The following SF3A1 variants were observed in gnomAD, a reference collection of about 807,000 sequenced individuals.
The protein encoded by SF3A1 is SAP 114.
SF3A1 carries 13 observed loss-of-function variants against 89.9 expected under a neutral mutation model. The ratio of observed to expected loss-of-function variants is 0.14; its 90% confidence interval spans 0.09 to 0.23. The LOEUF (loss-of-function observed/expected upper bound fraction) is 0.23. Among genes scored for constraint, SF3A1 ranks in the 10% least tolerant of loss-of-function variants. SF3A1 has a pLI of 1.00. For synonymous variants in SF3A1, 405 were observed against 374.4 expected, an observed-to-expected ratio of 1.08 and a Z score of -0.94; for missense variants, 604 against 1,022.1, an observed-to-expected ratio of 0.59 and a Z score of 5.58.
At chr22:30,349,810 A>T (rs1441796656) in intron 2 of SF3A1, among the ~76,000 whole-genome samples, 3 of 151,702 alleles carry the variant, frequency 2.0e-5, no homozygotes. Flanking sequence ...TGCCCAGCTA[A>T]TTTTTTTATT....
At chr22:30,356,645 T>C in intron 1 of SF3A1, 85 bp downstream of exon 1, 1 of 1,102,096 alleles carries the variant, frequency 9.1e-7, no homozygotes, top group Non-Finnish European at 1.2e-6. Context: ...AAGCCCTTCA[T>C]AGCGGCCGGC....
chr22:30,344,837 G>T, intron 4 of SF3A1, 96 bp downstream of exon 4: 1 of 1,394,660 alleles, frequency 7.2e-7, no homozygotes, highest in Non-Finnish European at 9.8e-7. Flanking sequence ...ATGGAGAAGC[G>T]ATGTCCTTGT....
In SF3A1 at chr22:30,344,929, G is replaced by A; in HGVS notation, c.651+4C>T. On this transcript the variant is annotated splice_donor_region_variant and intron_variant, in intron 4 of 15. Coordinates refer to ENST00000215793, the MANE Select transcript of SF3A1 (RefSeq NM_005877.6). ...AGGACCCCAGCCCCATCCTGCCCAG[G>A]CACCTTGGTGTACTGTTCCACTAGC... The A allele has an allele frequency of 6.2e-7, 1 of 1,612,322 alleles. No homozygotes were observed. The highest frequency in any genetic ancestry group is 8.5e-7 in the Non-Finnish European group (1 of 1,178,370).
At chr22:30,355,815 TCCCCCCCC>T (rs11451197) in intron 1 of SF3A1, among the ~76,000 whole-genome samples, 1 of 92,280 alleles carries the variant, frequency 1.1e-5, no homozygotes, top group African/African-American at 4.5e-5. Context: ...TCAGTCATGT[TCCCCCCCC>T]CCGCCCCCCT....
In SF3A1 at chr22:30,356,797, G is replaced by T; in HGVS notation, c.-5C>A. The T allele has an allele frequency of 7.2e-7, 1 of 1,398,380 alleles. No homozygotes were observed. The highest frequency in any genetic ancestry group is 9.4e-7 in the Non-Finnish European group (1 of 1,066,730). The allele number at this position is 1,398,380 out of a possible 1,614,324, so 86.6% of individuals were successfully genotyped here. ...CTGCACGGGTCCGGCCGGCATGACT[G>T]CGACGCTCAGGGCTGCCAGTCCGCC... is the stretch of plus-strand genomic sequence containing the variant. On this transcript the variant is annotated 5_prime_UTR_variant, in exon 1 of 16. Transcript: ENST00000215793.
Position 30,345,029 on chromosome 22 carries a change from C to T in SF3A1, c.555G>A (p.Leu185=). 17 of 1,614,208 alleles carry T rather than the reference C, an allele frequency of 1.1e-5. No individual in the cohort carries two copies. The highest frequency in any genetic ancestry group is 1.4e-5 in the Non-Finnish European group (17 of 1,180,040). The part of the protein sequence containing the change: ...ARNGRQFLTQ[L]MQKEQRNYQF... ...GGTAGTTGCGCTGCTCTTTCTGCATCAGCTGGGTCAGAAACTGGCGCCCAT... is the reference window on the plus strand; with the variant it reads ...GGTAGTTGCGCTGCTCTTTCTGCATTAGCTGGGTCAGAAACTGGCGCCCAT... The change falls in exon 4 of 16, where the codon CTG becomes CTA. Residue 185 remains leucine (L), a synonymous_variant. Coordinates refer to ENST00000215793, the MANE Select transcript of SF3A1 (RefSeq NM_005877.6).
chr22:30,354,260 T>C (rs944146427), intron 1 of SF3A1, among the ~76,000 whole-genome samples: 35 of 152,190 alleles, frequency 2.3e-4, no homozygotes, highest in African/African-American at 8.4e-4. Flanking sequence ...CTAAACATCC[T>C]GAGTTCTCTT....
intron 2 of SF3A1, among the ~76,000 whole-genome samples, chr22:30,351,157 G>A (rs1468987285): frequency 6.6e-6 from 1 of 152,132 alleles, no homozygotes; most frequent in Non-Finnish European, 1.5e-5. Context: ...AAATTACCTG[G>A]GCGTGGTGGC....
chr22:30,334,450 A>G lies in SF3A1; in HGVS notation c.*144T>C. ...AAGGGTCAGGGGAATGAACCTCTGC[A>G]GGACAATTTGAATTCCCAAACTGAG... On this transcript the variant is annotated 3_prime_UTR_variant, in exon 16 of 16. Transcript: ENST00000215793. 1.7e-6 allele frequency: 1 copy of G among 588,236 alleles called. No homozygotes were observed. The highest frequency in any genetic ancestry group is 3.1e-5 in the East Asian group (1 of 31,834). The allele number at this position is 588,236 out of a possible 1,614,324, so 36.4% of individuals were successfully genotyped here. A position where few individuals can be genotyped will look rare whatever the true frequency, so the allele number is the denominator to read the frequency against.
chr22:30,346,122 G>C, intron 3 of SF3A1, 190 bp downstream of exon 3: 1 of 592,664 alleles, frequency 1.7e-6, no homozygotes, highest in Non-Finnish European at 3.0e-6. Flanking sequence ...TTGACAAGCA[G>C]TGCTCGGGAA....
At chr22:30,345,263 C>A in intron 3 of SF3A1, 73 bp from the exon 4 acceptor site, 1 of 1,292,154 alleles carries the variant, frequency 7.7e-7, no homozygotes, top group Non-Finnish European at 1.1e-6. Context: ...GGGGAGGGGA[C>A]ATGGGCATGC....
In SF3A1 at chr22:30,334,493, T is replaced by C. The variant is rs905031226; in HGVS notation, c.*101A>G. The stretch of plus-strand genomic sequence containing the variant: ...AAACTGAGTAAGAGCGAAACAAATA[T>C]GCAGGCAAGGCAAAGCCTCAGGGGG... On this transcript the variant is annotated 3_prime_UTR_variant, in exon 16 of 16. Coordinates refer to ENST00000215793, the MANE Select transcript of SF3A1 (RefSeq NM_005877.6). 2 of 685,636 alleles carry C rather than the reference T, an allele frequency of 2.9e-6. No individual in the cohort carries two copies. Among genetic ancestry groups the C allele is most frequent in the Non-Finnish European group, 5.0e-6 (2 of 403,670 alleles). 42.5% of individuals were successfully genotyped at this position (685,636 alleles called of 1,614,324 possible).
At position 30,332,851 on chromosome 22, in the gene SF3A1, C is replaced by T. The variant is rs9606717; in HGVS notation, c.*1743G>A. ...TGGCCTCCGGTCACAGCCTCAGCCACGGAAGTCCTGCAGGGTTTGCCAGTC... is the reference window on the plus strand; with the variant it reads ...TGGCCTCCGGTCACAGCCTCAGCCATGGAAGTCCTGCAGGGTTTGCCAGTC... On this transcript the variant is annotated 3_prime_UTR_variant, in exon 16 of 16. Transcript: ENST00000215793. The T allele has an allele frequency of 0.018, 2,816 of 152,380 alleles. 32 individuals are homozygous for T. Among genetic ancestry groups the T allele is most frequent in the East Asian group, 0.032 (168 of 5,184 alleles). The allele number at this position is 152,380 out of a possible 1,614,324, so 9.4% of individuals were successfully genotyped here. A position where few individuals can be genotyped will look rare whatever the true frequency, so the allele number is the denominator to read the frequency against.
At position 30,346,200 on chromosome 22, in the gene SF3A1, C is replaced by T. The variant is rs561069701; in HGVS notation, c.393+112G>A. On this transcript the variant is annotated intron_variant, in intron 3 of 15. Transcript: ENST00000215793. The stretch of plus-strand genomic sequence containing the variant: ...GCCTCTGAGAGATGGGGATAACGAC[C>T]TCACTTCTCTCCCTGGGTGGTTGTG... 3.9e-5 allele frequency: 30 copies of T among 768,002 alleles called. No individual in the cohort carries two copies. The Admixed American group carries it at 4.0e-4, about 10-fold the overall frequency. 47.6% of individuals were successfully genotyped at this position (768,002 alleles called of 1,614,324 possible).
At chr22:30,355,822 C>G (rs1251339748) in intron 1 of SF3A1, among the ~76,000 whole-genome samples, 1 of 114,276 alleles carries the variant, frequency 8.8e-6, no homozygotes, top group Non-Finnish European at 1.7e-5. Context: ...TGTTCCCCCC[C>G]CCCGCCCCCC....
chr22:30,335,730 C>T lies in SF3A1; in HGVS notation c.2130G>A (p.Gln710=). The T allele has an allele frequency of 6.2e-7, 1 of 1,614,170 alleles. No homozygotes were observed. The highest frequency in any genetic ancestry group is 8.5e-7 in the Non-Finnish European group (1 of 1,180,016). The part of the protein sequence containing the change: ...RNKGPVSIKV[Q]VPNMQDKTEW... ...CCGTCTTATCCTGCATGTTGGGCAC[C>T]TGGACTTTGATGGACACTGGACCCT... Residue 710 remains glutamine (Q), a synonymous_variant, in exon 14 of 16, where the codon CAG becomes CAA. Coordinates refer to ENST00000215793, the MANE Select transcript of SF3A1 (RefSeq NM_005877.6).
rs574056739 is a variant in SF3A1, at chr22:30,352,182, G to A, written c.185+769C>T. 5.3e-5 allele frequency among the ~76,000 whole-genome samples: 8 copies of A among 151,806 alleles called. No individual in the cohort carries two copies. In the East Asian group the frequency reaches 1.6e-3, roughly 29 times the overall value. ...GACCAATGCCCATTCCATCTGAGAA[G>A]CCAGCTAGCACCTGCACAGGACTGT... On this transcript the variant is annotated intron_variant, in intron 2 of 15. Transcript: ENST00000215793.
intron 1 of SF3A1, among the ~76,000 whole-genome samples, chr22:30,353,999 A>G (rs763168689): frequency 9.2e-5 from 14 of 152,190 alleles, no homozygotes; most frequent in Admixed American, 4.6e-4. Context: ...CTGCTGACAA[A>G]TTCTTCTGCC....
chr22:30,352,527 C>T, intron 2 of SF3A1: 1 of 162,238 alleles, frequency 6.2e-6, no homozygotes, highest in South Asian at 1.7e-4. Flanking sequence ...CTCACTCCCG[C>T]CTCACAACAA....
Sources: allele counts gnomAD v4.1 joint callset (sites outside exome capture counted in the v4.1 genomes callset), GRCh38; gene constraint gnomAD v4.1.1; transcripts MANE v1.5; gene names NCBI Gene and HGNC (gene_info 2026-07-23, HGNC 2026-07-21).